Variants in CCDC171 observed in about 807,000 individuals in gnomAD.
The protein encoded by CCDC171 is coiled-coil domain-containing protein 171.
A neutral mutation model predicts 168.2 loss-of-function variants in CCDC171; 177 were observed. The ratio of observed to expected loss-of-function variants is 1.05; its 90% CI spans 0.93 to 1.19. The LOEUF (loss-of-function observed/expected upper bound fraction) is 1.19. Among genes scored for constraint, CCDC171 ranks in the 50% most tolerant of loss-of-function variants. The pLI, the probability that CCDC171 is intolerant of heterozygous loss-of-function variation, is 0.00. For missense variants in CCDC171, 1,991 were observed against 1,539.0 expected, an observed-to-expected ratio of 1.29 and a Z score of -4.91; for synonymous variants, 687 against 540.8, an observed-to-expected ratio of 1.27 and a Z score of -3.75.
At chr9:15,635,866 G>C (rs2132411117) in intron 7 of CCDC171, among the ~76,000 whole-genome samples, 1 of 152,274 alleles carries the variant, frequency 6.6e-6, no homozygotes, top group East Asian at 1.9e-4. Context: ...GGAACTGTCA[G>C]TTTGTTTTGT....
chr9:15,749,026 T>G (rs531089447), intron 18 of CCDC171, among the ~76,000 whole-genome samples: 1 of 152,062 alleles, frequency 6.6e-6, no homozygotes, highest in South Asian at 2.1e-4. Flanking sequence ...ACTGGTAAAT[T>G]GGATAAAGAG....
chr9:15,793,043 G>A (rs1469008518), intron 21 of CCDC171, among the ~76,000 whole-genome samples: 2 of 152,168 alleles, frequency 1.3e-5, no homozygotes, highest in African/African-American at 4.8e-5. Context: ...AGGATAAAGA[G>A]TGAAGACCCA....
Position 15,591,423 on chromosome 9 carries a change from C to T in CCDC171, c.410C>T (p.Ser137Phe), listed in dbSNP as rs1444477594. 4.4e-6 allele frequency: 7 copies of T among 1,608,758 alleles called. No individual in the cohort carries two copies. In the East Asian group the frequency reaches 9.0e-5, roughly 21 times the overall value. ...GAGACTGAGAAAGCATTTCAGACTT[C>T]TCAGCAAAAATGGAAAGAAGAATGC... Reference protein sequence around the residue: ...TNETEKAFQTSQQKWKEECRR... With the variant: ...TNETEKAFQTFQQKWKEECRR... The change falls in exon 5 of 26, where the codon TCT (serine) becomes TTT (phenylalanine). Residue 137 changes from serine to phenylalanine, a missense_variant. Physicochemically the swap from Ser to Phe is radical, Grantham distance 155 (BLOSUM62 -2). Coordinates refer to ENST00000380701, the MANE Select transcript of CCDC171 (RefSeq NM_173550.4).
intron 11 of CCDC171, among the ~76,000 whole-genome samples, chr9:15,714,418 A>G (rs898056579): frequency 2.0e-5 from 3 of 152,182 alleles, no homozygotes; most frequent in Admixed American, 6.5e-5. Flanking sequence ...GGGTGGGTTC[A>G]GGTACCTACT....
intron 24 of CCDC171, among the ~76,000 whole-genome samples, chr9:15,914,248 G>A (rs2131885510): frequency 6.6e-6 from 1 of 152,252 alleles, no homozygotes; most frequent in Non-Finnish European, 1.5e-5. Flanking sequence ...GCCCACAGCT[G>A]CCCCCCTTCC....
At chr9:15,784,124 T>C (rs2057812327) in intron 20 of CCDC171, among the ~76,000 whole-genome samples, 1 of 152,156 alleles carries the variant, frequency 6.6e-6, no homozygotes, top group South Asian at 2.1e-4. Flanking sequence ...ACCTGAATAA[T>C]AACATACGCT....
At chr9:16,039,581 G>A (rs1410451), upstream of CCDC171, among the ~76,000 whole-genome samples, 56,561 of 151,978 alleles carry the variant, frequency 0.37, 12,428 homozygotes, top group East Asian at 0.63. Context: ...GGTAGGTGGC[G>A]CTGTTCCATA....
At chr9:16,076,184 G>A in the CCDC171 span, among the ~76,000 whole-genome samples, 1 of 152,094 alleles carries the variant, frequency 6.6e-6, no homozygotes, top group Non-Finnish European at 1.5e-5. Context: ...CTGCTCTCCC[G>A]CACCTCACAC....
At chr9:15,935,724 A>C (rs1165953602) in intron 25 of CCDC171, among the ~76,000 whole-genome samples, 1 of 152,056 alleles carries the variant, frequency 6.6e-6, no homozygotes, top group Non-Finnish European at 1.5e-5. Flanking sequence ...TCCTTTTTTT[A>C]TGCAACATTT....
rs1044650779 is a variant in CCDC171 at position 15,815,668 on chromosome 9, A to G, written c.3267+30974A>G. The stretch of plus-strand genomic sequence containing the variant: ...TCATATTTTCTCTGGTAAACCTTTA[A>G]ACAAAAGAACTCCAACACTCATTTT... On this transcript the variant is annotated intron_variant, in intron 21 of 25. Coordinates refer to ENST00000380701, the MANE Select transcript of CCDC171 (RefSeq NM_173550.4). Among the ~76,000 whole-genome samples the G allele has an allele frequency of 1.7e-5, 2 of 116,350 alleles. 1 individual carries two copies. The highest frequency in any genetic ancestry group is 3.8e-5 in the Non-Finnish European group (2 of 51,996). The allele number at this position is 116,350 out of a possible 152,430, so 76.3% of individuals were successfully genotyped here.
chr9:15,796,798 G>A (rs2058578422), intron 21 of CCDC171, among the ~76,000 whole-genome samples: 1 of 152,180 alleles, frequency 6.6e-6, no homozygotes, highest in African/African-American at 2.4e-5. Context: ...TGCAAGATGG[G>A]CCAAATCAGA....
intron 3 of CCDC171, among the ~76,000 whole-genome samples, chr9:16,011,643 A>G (rs941692516): frequency 6.6e-6 from 1 of 152,148 alleles, no homozygotes; most frequent in African/African-American, 2.4e-5. Flanking sequence ...GTGGAAATGT[A>G]TCCATTCCTT....
chr9:15,754,968 G>A (rs150990829), intron 18 of CCDC171, among the ~76,000 whole-genome samples: 1 of 152,114 alleles, frequency 6.6e-6, no homozygotes, highest in Non-Finnish European at 1.5e-5. Context: ...AATGTTATAT[G>A]TAGCTATAAA....
intron 18 of CCDC171, 103 bp from the exon 19 acceptor site, chr9:15,777,497 G>C (rs1452049146): frequency 3.1e-6 from 2 of 648,176 alleles, no homozygotes; most frequent in Non-Finnish European, 5.1e-6. Flanking sequence ...AGGTGAATGG[G>C]AATTATATAA....
chr9:16,093,385 G>A, the CCDC171 span, among the ~76,000 whole-genome samples: 13 of 152,034 alleles, frequency 8.6e-5, no homozygotes, highest in Admixed American at 2.0e-4. Context: ...AGTAGGGGGC[G>A]GTGCTCTCAG....
Position 15,678,834 on chromosome 9 carries a change from C to T in CCDC171, c.1153C>T (p.Leu385Phe). Reference protein sequence around the residue: ...IEEQKKVIIDLSKRLQYNEKS... With the variant: ...IEEQKKVIIDFSKRLQYNEKS... ...GGAACAGAAGAAAGTAATTATAGACCTTTCAAAGAGACTCCAGTATAATGA... is the reference window on the plus strand; with the variant it reads ...GGAACAGAAGAAAGTAATTATAGACTTTTCAAAGAGACTCCAGTATAATGA... Residue 385 changes from leucine (L) to phenylalanine (F), a missense_variant, in exon 10 of 26, where the codon CTT becomes TTT. Physicochemically the swap from Leu to Phe is conservative, Grantham distance 22 (BLOSUM62 0). Transcript: ENST00000380701. The T allele has an allele frequency of 3.8e-6, 6 of 1,595,554 alleles. No homozygotes were observed. The highest frequency in any genetic ancestry group is 5.1e-6 in the Non-Finnish European group (6 of 1,170,888).
intron 18 of CCDC171, among the ~76,000 whole-genome samples, chr9:15,750,039 G>GT (rs141719913): frequency 0.5 from 73,268 of 146,158 alleles, 18,421 homozygotes; most frequent in African/African-American, 0.57. Context: ...TCCAGGAGCT[G>GT]TTTTTTTTTT....
the CCDC171 span, among the ~76,000 whole-genome samples, chr9:16,082,231 A>G: frequency 3.0e-4 from 46 of 152,338 alleles, no homozygotes; most frequent in African/African-American, 9.4e-4. Flanking sequence ...TATGCTTTGT[A>G]ATATGTCACA....
At chr9:16,011,788 A>C (rs1832875946) in intron 3 of CCDC171, among the ~76,000 whole-genome samples, 1 of 152,236 alleles carries the variant, frequency 6.6e-6, no homozygotes, top group African/African-American at 2.4e-5. Context: ...GAAACAGATA[A>C]ACAGGAAATG....
Sources: gnomAD v4.1 joint callset for allele counts (sites outside exome capture counted in the v4.1 genomes callset) on GRCh38, gnomAD v4.1.1 for gene constraint, MANE v1.5 for transcripts, NCBI Gene and HGNC (gene_info 2026-07-23, HGNC 2026-07-21) for gene names.